The following KDM7A variants were observed in gnomAD, a reference collection of about 807,000 sequenced individuals.
KDM7A encodes lysine-specific demethylase 7A.
A neutral mutation model predicts 114.8 loss-of-function variants in KDM7A; 28 were observed. That is an observed-to-expected ratio of 0.24 (90% CI 0.18 to 0.33). The LOEUF is 0.33. Ranked by LOEUF, KDM7A falls within the 10% of genes least tolerant of loss-of-function variation. KDM7A has a pLI of 1.00. For synonymous variants in KDM7A, 423 were observed against 397.8 expected, an observed-to-expected ratio of 1.06 and a Z score of -0.75; for missense variants, 942 against 1,142.5, an observed-to-expected ratio of 0.82 and a Z score of 2.53.
At chr7:140,174,837 G>T (rs1794684189) in intron 1 of KDM7A, among the ~76,000 whole-genome samples, 1 of 152,024 alleles carries the variant, frequency 6.6e-6, no homozygotes, top group South Asian at 2.1e-4. Context: ...GGATGGTCTC[G>T]ATCTCTTTAC....
Position 140,100,019 on chromosome 7 carries a change from A to G in KDM7A, c.1643T>C (p.Ile548Thr), listed in dbSNP as rs1318694845. The G allele has an allele frequency of 6.2e-7, 1 of 1,614,174 alleles. No homozygotes were observed. Among genetic ancestry groups the G allele is most frequent in the Admixed American group, 1.7e-5 (1 of 60,026 alleles). ...TTTTCCATTCAGTTTAGAGCTCAAG[A>G]TGTCCTGAAGGTATAAATGCAGAAC... ...RLEMCPWEEDILSSKLNGKFN... is the reference protein window; with the variant it reads ...RLEMCPWEEDTLSSKLNGKFN... The change falls in exon 13 of 20, where the codon ATC becomes ACC. Residue 548 changes from isoleucine to threonine, a missense_variant. Ile to Thr is a moderately conservative substitution (Grantham distance 89). This residue lies in a region of KDM7A where 512 missense variants were observed against 576.6 expected (regional missense o/e 0.89). Coordinates refer to ENST00000397560, the MANE Select transcript of KDM7A (RefSeq NM_030647.2).
At chr7:140,123,144 A>G (rs561546506) in intron 7 of KDM7A, among the ~76,000 whole-genome samples, 1 of 152,358 alleles carries the variant, frequency 6.6e-6, no homozygotes, top group East Asian at 1.9e-4. Flanking sequence ...AATCCAAATC[A>G]TGACACATCA....
rs1226214791 is a variant in KDM7A at position 140,119,153 on chromosome 7, T to C, written c.1206A>G (p.Ile402Met). The change falls in exon 9 of 20, where the codon ATA becomes ATG. Residue 402 changes from isoleucine to methionine, a missense_variant. Transcript: ENST00000397560. ...DLFKFPFFEA[I>M]CWFVAKNLLE... The stretch of plus-strand genomic sequence containing the variant: ...GCAAGTTTTTGGCTACAAACCAACA[T>C]ATGGCTTCAAAGAAAGGGAATTTGA... The C allele has an allele frequency of 1.2e-6, 2 of 1,608,938 alleles. No individual in the cohort carries two copies. The highest frequency in any genetic ancestry group is 1.7e-5 in the Admixed American group (1 of 59,920).
rs981622512 is a variant in KDM7A at position 140,087,796 on chromosome 7, A to C, written c.*3298T>G. 1 of 152,210 alleles carries C rather than the reference A, an allele frequency of 6.6e-6. No individual in the cohort carries two copies. Among genetic ancestry groups the C allele is most frequent in the Non-Finnish European group, 1.5e-5 (1 of 68,028 alleles). 9.4% of individuals were successfully genotyped at this position (152,210 alleles called of 1,614,324 possible). A position where few individuals can be genotyped will look rare whatever the true frequency, so the allele number is the denominator to read the frequency against. On this transcript the variant is annotated 3_prime_UTR_variant, in exon 20 of 20. Coordinates refer to ENST00000397560, the MANE Select transcript of KDM7A (RefSeq NM_030647.2). ...AGTTGAAGCATTTCTTTAATTGTGA[A>C]ATTACTTTCACTTCTACAGTGGCAT... is the stretch of plus-strand genomic sequence containing the variant.
chr7:140,092,163 A>G, intron 18 of KDM7A, 86 bp from the exon 19 acceptor site: 1 of 1,271,544 alleles, frequency 7.9e-7, no homozygotes, highest in Non-Finnish European at 1.1e-6. Context: ...AAGTCAAGTG[A>G]GAGAAGAAAC....
chr7:140,176,911 G>GGCCACC lies in KDM7A; in HGVS notation c.21_26dup (p.Val8_Ala9dup). 4 of 1,169,978 alleles carry GGCCACC rather than the reference G, an allele frequency of 3.4e-6. No homozygotes were observed. The highest frequency in any genetic ancestry group is 4.3e-5 in the East Asian group (1 of 23,158). 72.5% of individuals were successfully genotyped at this position (1,169,978 alleles called of 1,614,324 possible). A position where few individuals can be genotyped will look rare whatever the true frequency, so the allele number is the denominator to read the frequency against. ...CGGCGGCTCCAGCTGCTGCTCCCGC[G>GGCCACC]GCCACCGCCGCCGCCGCTCCGGCCA... is the stretch of plus-strand genomic sequence containing the variant. On this transcript the variant is annotated inframe_insertion, in exon 1 of 20. Coordinates refer to ENST00000397560, the MANE Select transcript of KDM7A (RefSeq NM_030647.2). The surrounding 1 kb of genome is among the most constrained non-coding windows in gnomAD (Gnocchi z 4.4).
intron 11 of KDM7A, among the ~76,000 whole-genome samples, chr7:140,102,525 G>A (rs1329037599): frequency 6.6e-6 from 1 of 152,142 alleles, no homozygotes; most frequent in Non-Finnish European, 1.5e-5. Context: ...TGGGACTACA[G>A]GCGCACGCCA....
intron 17 of KDM7A, among the ~76,000 whole-genome samples, chr7:140,096,269 CT>C (rs148622978): frequency 0.021 from 3,201 of 152,336 alleles, 119 homozygotes; most frequent in African/African-American, 0.073. Flanking sequence ...TCCTTCCACT[CT>C]GATCAACCTG....
At chr7:140,092,402 G>A (rs986522785) in intron 18 of KDM7A, among the ~76,000 whole-genome samples, 14 of 152,304 alleles carry the variant, frequency 9.2e-5, no homozygotes, top group African/African-American at 3.4e-4. Context: ...GGAATGGATC[G>A]ATCTCCCACT....
chr7:140,121,524 C>T (rs886401183), intron 7 of KDM7A, among the ~76,000 whole-genome samples: 6 of 152,160 alleles, frequency 3.9e-5, no homozygotes, highest in African/African-American at 1.4e-4. Flanking sequence ...GTGCCAACTC[C>T]AAATCCTACA....
In KDM7A at chr7:140,096,963, T is replaced by C. The variant is rs1442756192; in HGVS notation, c.2101A>G (p.Asn701Asp). 5.0e-6 allele frequency: 8 copies of C among 1,613,238 alleles called. No homozygotes were observed. The highest frequency in any genetic ancestry group is 6.8e-6 in the Non-Finnish European group (8 of 1,179,382). The change falls in exon 16 of 20, where the codon AAT becomes GAT. Residue 701 changes from asparagine to aspartate, a missense_variant. This residue lies in a region of KDM7A where 512 missense variants were observed against 576.6 expected (regional missense o/e 0.89). Coordinates refer to ENST00000397560, the MANE Select transcript of KDM7A (RefSeq NM_030647.2). Reference sequence around the variant, plus strand: ...TTTTGAAGGAAGTTCCTCATCACATTAGATTCCTCCTTAAAGTTGGATGTT... The same window carrying C: ...TTTTGAAGGAAGTTCCTCATCACATCAGATTCCTCCTTAAAGTTGGATGTT... ...EITSNFKEES[N>D]VMRNFLQKSQ...
intron 9 of KDM7A, among the ~76,000 whole-genome samples, chr7:140,115,205 G>A (rs144339582): frequency 0.014 from 2,126 of 149,496 alleles, 54 homozygotes; most frequent in African/African-American, 0.047. Flanking sequence ...CAGCCGCCCC[G>A]TCCGGGAGGT....
At chr7:140,150,886 T>C (rs1056435391) in intron 1 of KDM7A, among the ~76,000 whole-genome samples, 1 of 148,142 alleles carries the variant, frequency 6.8e-6, no homozygotes, top group Non-Finnish European at 1.5e-5. Context: ...TGGAGTGCAA[T>C]GGCACAATCT....
At chr7:140,135,174 AT>A (rs1244465708) in intron 2 of KDM7A, among the ~76,000 whole-genome samples, 1 of 147,168 alleles carries the variant, frequency 6.8e-6, no homozygotes, top group Non-Finnish European at 1.5e-5. Context: ...TTCATTCCAG[AT>A]TTTTTCTACT....
At chr7:140,100,711 CATATATATATATATATATAT>C (rs58767645) in intron 12 of KDM7A, among the ~76,000 whole-genome samples, 2 of 56,978 alleles carry the variant, frequency 3.5e-5, no homozygotes, top group Non-Finnish European at 7.5e-5. Context: ...TATATATACA[CATATATATATATATATATAT>C]ATATATATAT....
intron 18 of KDM7A, 157 bp from the exon 19 acceptor site, chr7:140,092,234 T>C (rs901300682): frequency 1.8e-5 from 12 of 667,528 alleles, no homozygotes; most frequent in East Asian, 2.7e-5. Context: ...TCCTGCATGA[T>C]GTCGTCTCAG....
chr7:140,092,174 A>C lies in KDM7A; in HGVS notation c.2458-97T>G, dbSNP rs1054468441. Reference sequence around the variant, plus strand: ...GGCAAAGTCAAGTGAGAGAAGAAACAAACTACTGAATTCTGATTTTCTTAA... The same window carrying C: ...GGCAAAGTCAAGTGAGAGAAGAAACCAACTACTGAATTCTGATTTTCTTAA... On this transcript the variant is annotated intron_variant, in intron 18 of 19. Transcript: ENST00000397560. The C allele has an allele frequency of 3.6e-6, 4 of 1,121,300 alleles. No homozygotes were observed. In the African/African-American group the frequency reaches 6.2e-5, roughly 17 times the overall value. The allele number at this position is 1,121,300 out of a possible 1,614,324, so 69.5% of individuals were successfully genotyped here. A position where few individuals can be genotyped will look rare whatever the true frequency, so the allele number is the denominator to read the frequency against.
chr7:140,103,924 A>T (rs951141312), intron 11 of KDM7A, among the ~76,000 whole-genome samples: 1 of 152,126 alleles, frequency 6.6e-6, no homozygotes, highest in African/African-American at 2.4e-5. Flanking sequence ...TACAGTCACA[A>T]CAACAGTGTA....
rs1411400647 is a variant in KDM7A at position 140,170,984 on chromosome 7, A to C, written c.194+5760T>G. Among the ~76,000 whole-genome samples, 6 of 151,958 alleles carry C rather than the reference A, an allele frequency of 3.9e-5. 1 individual carries two copies. The highest frequency in any genetic ancestry group is 2.6e-4 in the Admixed American group (4 of 15,252). On this transcript the variant is annotated intron_variant, in intron 1 of 19. Transcript: ENST00000397560. Reference sequence around the variant, plus strand: ...GCACATCTGTAATCCCAGCTACTTGAGAGGCTGAAACAGGAGGATTGCTTG... The same window carrying C: ...GCACATCTGTAATCCCAGCTACTTGCGAGGCTGAAACAGGAGGATTGCTTG...
Sources: gnomAD v4.1 joint callset for allele counts (sites outside exome capture counted in the v4.1 genomes callset) on GRCh38, gnomAD v4.1.1 for gene constraint, gnomAD v4.1.1 regional missense constraint, Gnocchi (gnomAD v3.1) non-coding constraint, MANE v1.5 for transcripts, NCBI Gene and HGNC (gene_info 2026-07-23, HGNC 2026-07-21) for gene names.